RABEP1: variants seen among roughly 807,000 people sequenced by gnomAD.
The protein encoded by RABEP1 is rabaptin, RAB GTPase binding effector protein 1, also known as rab GTPase-binding effector protein 1.
Under a neutral mutation model 123.4 loss-of-function variants are expected in RABEP1, and 51 were observed. That is an observed-to-expected ratio of 0.41 (90% CI 0.33 to 0.52). The LOEUF (loss-of-function observed/expected upper bound fraction) is 0.52, where lower values mean the gene tolerates loss of function less well. Among genes scored for constraint, RABEP1 ranks in the 20% least tolerant of loss-of-function variants. RABEP1 has a pLI of 0.16. For missense variants in RABEP1, 888 were observed against 996.3 expected (o/e 0.89, Z 1.46); for synonymous variants, 347 against 355.2 (o/e 0.98, Z 0.26).
At chr17:5,294,028 C>CA (rs890656052) in intron 1 of RABEP1, among the ~76,000 whole-genome samples, 10 of 151,788 alleles carry the variant, frequency 6.6e-5, no homozygotes, top group African/African-American at 1.7e-4. Context: ...TAAGAAAATG[C>CA]AAAAAAAGTG....
chr17:5,295,017 A>C (rs1276191155), intron 1 of RABEP1, among the ~76,000 whole-genome samples: 1 of 152,008 alleles, frequency 6.6e-6, no homozygotes, highest in Non-Finnish European at 1.5e-5. Flanking sequence ...TTTGATAGAA[A>C]ATTACAGTAC....
chr17:5,350,416 T>C (rs1908434226), intron 6 of RABEP1, 35 bp from the exon 7 acceptor site: 3 of 1,569,558 alleles, frequency 1.9e-6, no homozygotes, highest in South Asian at 2.4e-5. Flanking sequence ...TAAAATTCAG[T>C]GTTTTTGATT....
At position 5,377,292 on chromosome 17, in the gene RABEP1, C is replaced by T. The variant is rs1218982540; in HGVS notation, c.2202C>T (p.Cys734=). 6.3e-7 allele frequency: 1 copy of T among 1,582,412 alleles called. No individual in the cohort carries two copies. Among genetic ancestry groups the T allele is most frequent in the Non-Finnish European group, 8.5e-7 (1 of 1,171,928 alleles). The change falls in exon 14 of 18, where the codon TGC becomes TGT. Residue 734 remains cysteine (C), a synonymous_variant. Coordinates refer to ENST00000537505, the MANE Select transcript of RABEP1 (RefSeq NM_004703.6). The part of the protein sequence containing the change: ...EETLQLEIEN[C]KEEIASISSL... The stretch of plus-strand genomic sequence containing the variant: ...CTCTGCAACTAGAAATAGAAAACTG[C>T]AAGGAGGAAATAGGTGAAGATAAAA...
intron 14 of RABEP1, 72 bp downstream of exon 14, chr17:5,377,377 G>C (rs1464150030): frequency 8.1e-7 from 1 of 1,230,118 alleles, no homozygotes; most frequent in African/African-American, 1.5e-5. Context: ...GCAATACATG[G>C]CCATGGAGTC....
chr17:5,310,812 A>ATTTT (rs57691824), intron 2 of RABEP1, among the ~76,000 whole-genome samples: 1 of 137,210 alleles, frequency 7.3e-6, no homozygotes, highest in Non-Finnish European at 1.6e-5. Flanking sequence ...TGTTTCATTC[A>ATTTT]TTTTTTTTTT....
intron 2 of RABEP1, among the ~76,000 whole-genome samples, chr17:5,310,803 G>A (rs979870720): frequency 6.8e-6 from 1 of 147,958 alleles, no homozygotes; most frequent in African/African-American, 2.5e-5. Flanking sequence ...GTGTGCATTT[G>A]TTTCATTCAT....
At chr17:5,362,846 C>T (rs761540084) in intron 9 of RABEP1, 66 bp from the exon 10 acceptor site, 557 of 1,046,036 alleles carry the variant, frequency 5.3e-4, no homozygotes, top group Non-Finnish European at 6.2e-4. Flanking sequence ...AGACTATGCA[C>T]GTGTACCTCA....
chr17:5,342,981 T>C (rs1454218600), intron 5 of RABEP1, among the ~76,000 whole-genome samples: 1 of 152,186 alleles, frequency 6.6e-6, no homozygotes, highest in Non-Finnish European at 1.5e-5. Context: ...CCTTTTTGGC[T>C]GAGTGTGGTG....
chr17:5,301,251 C>T (rs1348082391), intron 1 of RABEP1, among the ~76,000 whole-genome samples: 1 of 152,110 alleles, frequency 6.6e-6, no homozygotes, highest in Non-Finnish European at 1.5e-5. Context: ...AATGGAACCT[C>T]GTTTCTTTAC....
intron 5 of RABEP1, 109 bp downstream of exon 5, chr17:5,338,247 A>G (rs562008408): frequency 1.5e-6 from 2 of 1,308,972 alleles, no homozygotes; most frequent in South Asian, 3.2e-5. Flanking sequence ...TAGACTATGC[A>G]TCTTAAGAAT....
chr17:5,282,583 G>A, intron 1 of RABEP1, 63 bp downstream of exon 1: 1 of 1,083,452 alleles, frequency 9.2e-7, no homozygotes, highest in Non-Finnish European at 1.1e-6. Flanking sequence ...GTCGCGGGAG[G>A]ATTTCGGGGC....
rs1417955536 is a variant in RABEP1 at position 5,384,470 on chromosome 17, G to C, written c.*1247G>C. On this transcript the variant is annotated 3_prime_UTR_variant, in exon 18 of 18. Transcript: ENST00000537505. ...TGGTTTTCAAATCATTTTTGAGACT[G>C]GTTGCATAACAGCAGGGTACCTGAA... The C allele has an allele frequency of 4.6e-6, 1 of 216,168 alleles. No individual in the cohort carries two copies. The highest frequency in any genetic ancestry group is 5.8e-5 in the Admixed American group (1 of 17,160). 13.4% of individuals were successfully genotyped at this position (216,168 alleles called of 1,614,324 possible).
chr17:5,360,959 T>C (rs1249111218), intron 8 of RABEP1: 18 of 488,880 alleles, frequency 3.7e-5, no homozygotes, highest in Non-Finnish European at 5.9e-5. Context: ...TGCTTACTTA[T>C]CTTTTTTTTT....
At chr17:5,350,118 C>T (rs1245889267) in intron 6 of RABEP1, among the ~76,000 whole-genome samples, 8 of 152,138 alleles carry the variant, frequency 5.3e-5, no homozygotes, top group African/African-American at 1.9e-4. Flanking sequence ...CGGTGGCTCA[C>T]GCCTGTAATT....
intron 2 of RABEP1, among the ~76,000 whole-genome samples, chr17:5,327,069 T>C (rs914187509): frequency 2.6e-5 from 4 of 152,258 alleles, no homozygotes; most frequent in Admixed American, 1.3e-4. Flanking sequence ...CTAAACAGGC[T>C]GGGCACGGTG....
chr17:5,315,141 A>C (rs2075283833), intron 2 of RABEP1, among the ~76,000 whole-genome samples: 1 of 152,236 alleles, frequency 6.6e-6, no homozygotes. Context: ...TTCAATAGTG[A>C]AAAGCTAGAT....
chr17:5,300,705 C>T (rs2075128593), intron 1 of RABEP1, among the ~76,000 whole-genome samples: 1 of 152,160 alleles, frequency 6.6e-6, no homozygotes, highest in Non-Finnish European at 1.5e-5. Context: ...TTGCTTAGCA[C>T]CCTATGAGCA....
At chr17:5,286,449 G>A (rs1424047860) in intron 1 of RABEP1, among the ~76,000 whole-genome samples, 5 of 152,010 alleles carry the variant, frequency 3.3e-5, no homozygotes, top group Admixed American at 3.3e-4. Flanking sequence ...AGCCGAGATC[G>A]TGCCACTGCA....
chr17:5,354,455 C>G lies in RABEP1; in HGVS notation c.1060C>G (p.Gln354Glu). 3.1e-6 allele frequency: 5 copies of G among 1,612,338 alleles called. No homozygotes were observed. The highest frequency in any genetic ancestry group is 4.2e-6 in the Non-Finnish European group (5 of 1,179,314). The change falls in exon 8 of 18, where the codon CAA (glutamine) becomes GAA (glutamate). Residue 354 changes from glutamine to glutamate, a missense_variant. Gln to Glu is a conservative substitution (Grantham distance 29). Transcript: ENST00000537505. The part of the protein sequence containing the change: ...IKIPVVCALT[Q>E]EESSAQLSNE... ...AATACCAGTAGTGTGTGCTTTAACT[C>G]AAGAAGAATCTTCAGCCCAGTTATC...
Sources: gnomAD v4.1 joint callset for allele counts (sites outside exome capture counted in the v4.1 genomes callset) on GRCh38, gnomAD v4.1.1 for gene constraint, MANE v1.5 for transcripts, NCBI Gene and HGNC (gene_info 2026-07-23, HGNC 2026-07-21) for gene names.